The following KIF5B variants were observed in gnomAD, a reference collection of about 807,000 sequenced individuals.
The protein encoded by KIF5B is kinesin-1 heavy chain.
A neutral mutation model predicts 132.8 loss-of-function variants in KIF5B; 49 were observed. The observed-to-expected ratio is 0.37, with a 90% CI of 0.29 to 0.47. The LOEUF (loss-of-function observed/expected upper bound fraction) is 0.47. Ranked by LOEUF, KIF5B falls within the 20% of genes least tolerant of loss-of-function variation. The pLI is 1.00. For missense variants in KIF5B, 780 were observed against 1,144.0 expected (o/e 0.68, Z 4.59); for synonymous variants, 355 against 369.4 (o/e 0.96, Z 0.45).
intron 3 of KIF5B, 94 bp downstream of exon 3, chr10:32,040,290 A>C: frequency 1.3e-6 from 1 of 785,646 alleles, no homozygotes; most frequent in South Asian, 1.4e-5. Flanking sequence ...ATAAAGAGTA[A>C]ATTAAAATGT....
chr10:32,054,942 T>C (rs1201257080), intron 1 of KIF5B, among the ~76,000 whole-genome samples: 1 of 144,746 alleles, frequency 6.9e-6, no homozygotes, highest in Non-Finnish European at 1.6e-5. Context: ...AAACAACAAT[T>C]TTCTTCAAGA....
chr10:32,031,470 G>A (rs1289933432), intron 13 of KIF5B, among the ~76,000 whole-genome samples, 191 bp from the exon 14 acceptor site: 1 of 152,138 alleles, frequency 6.6e-6, no homozygotes, highest in Non-Finnish European at 1.5e-5. Context: ...CTGCAAGGCA[G>A]AAAGAAAATC....
Position 32,010,375 on chromosome 10 carries a change from C to T in KIF5B, c.*1162G>A, listed in dbSNP as rs1455267083. On this transcript the variant is annotated 3_prime_UTR_variant, in exon 26 of 26. Transcript: ENST00000302418. The stretch of plus-strand genomic sequence containing the variant: ...GGCTATGGCCAAGAAAATAATTTAT[C>T]TAATGATTATTAGTGACTTGCAAAC... 6.6e-6 allele frequency: 1 copy of T among 152,142 alleles called. No individual in the cohort carries two copies. The highest frequency in any genetic ancestry group is 2.1e-4 in the South Asian group (1 of 4,830). 9.4% of individuals were successfully genotyped at this position (152,142 alleles called of 1,614,324 possible).
chr10:32,046,408 G>A (rs2132613775), intron 2 of KIF5B, among the ~76,000 whole-genome samples: 2 of 152,220 alleles, frequency 1.3e-5, no homozygotes, highest in Middle Eastern at 3.4e-3. Context: ...AATTACAAGT[G>A]TTAATTCCCC....
At chr10:32,035,751 A>G in intron 9 of KIF5B, 84 bp from the exon 10 acceptor site, 1 of 1,399,562 alleles carries the variant, frequency 7.1e-7, no homozygotes, top group African/African-American at 1.4e-5. Flanking sequence ...CAACTAACTT[A>G]CACATACTGA....
At chr10:32,032,206 G>C (rs1480282421) in intron 13 of KIF5B, among the ~76,000 whole-genome samples, 3 of 151,984 alleles carry the variant, frequency 2.0e-5, no homozygotes, top group Non-Finnish European at 4.4e-5. Context: ...ATAATACAAA[G>C]GACAGAATAA....
At chr10:32,026,437 CAA>C (rs71027049) in intron 15 of KIF5B, among the ~76,000 whole-genome samples, 13 of 48,924 alleles carry the variant, frequency 2.7e-4, no homozygotes, top group East Asian at 2.5e-3. Context: ...GATTCCGTCT[CAA>C]AAAAAAAAAA....
In KIF5B at chr10:32,019,966, A is replaced by G; in HGVS notation, c.2205-7T>C. ...CATCATTTTCTGGTTTTGGCTGACG[A>G]AAGAAAAAAATAATTAACACAGTAT... On this transcript the variant is annotated splice_polypyrimidine_tract_variant and splice_region_variant and intron_variant, in intron 19 of 25. Coordinates refer to ENST00000302418, the MANE Select transcript of KIF5B (RefSeq NM_004521.3). 1 of 1,567,966 alleles carries G rather than the reference A, an allele frequency of 6.4e-7. No individual in the cohort carries two copies. The highest frequency in any genetic ancestry group is 8.7e-7 in the Non-Finnish European group (1 of 1,150,534).
intron 13 of KIF5B, 21 bp from the exon 14 acceptor site, chr10:32,031,300 T>A (rs189074329): frequency 6.3e-7 from 1 of 1,593,898 alleles, no homozygotes; most frequent in East Asian, 2.2e-5. Flanking sequence ...GAAAATAATT[T>A]ATTTTCCCCA....
rs1841201325 is a variant in KIF5B, at chr10:32,018,163, AAAG to A, written c.2440-10_2440-8del. 1 of 1,575,756 alleles carries A rather than the reference AAAG, an allele frequency of 6.3e-7. No homozygotes were observed. On this transcript the variant is annotated splice_region_variant and splice_polypyrimidine_tract_variant and intron_variant, in intron 22 of 25. Coordinates refer to ENST00000302418, the MANE Select transcript of KIF5B (RefSeq NM_004521.3). ...CAGAATCAATCTCAGCACTCTGAGAAAAGAAGGTAAGTATTACAAAAAAATTAA... is the reference window on the plus strand; with the variant it reads ...CAGAATCAATCTCAGCACTCTGAGAAAAGGTAAGTATTACAAAAAAATTAA...
intron 25 of KIF5B, among the ~76,000 whole-genome samples, chr10:32,015,083 T>C: frequency 6.6e-6 from 1 of 151,274 alleles, no homozygotes; most frequent in South Asian, 2.1e-4. Flanking sequence ...GATCACGCCA[T>C]TGCACTCCAG....
intron 6 of KIF5B, among the ~76,000 whole-genome samples, chr10:32,037,901 G>C (rs1023553336): frequency 1.3e-4 from 20 of 151,604 alleles, no homozygotes; most frequent in Non-Finnish European, 8.8e-5. Context: ...CACGAGGTCA[G>C]GAGTTCAAGA....
chr10:32,036,067 C>A, intron 8 of KIF5B, 73 bp from the exon 9 acceptor site: 4 of 955,770 alleles, frequency 4.2e-6, no homozygotes, highest in Non-Finnish European at 6.0e-6. Flanking sequence ...CTAAAATGTT[C>A]ATATGTCATC....
At chr10:32,051,367 T>C (rs1841692539) in intron 1 of KIF5B, among the ~76,000 whole-genome samples, 1 of 152,146 alleles carries the variant, frequency 6.6e-6, no homozygotes, top group South Asian at 2.1e-4. Context: ...CCTCAATTTT[T>C]ACATCAATAG....
chr10:32,052,677 T>A (rs1841708203), intron 1 of KIF5B, among the ~76,000 whole-genome samples: 2 of 152,360 alleles, frequency 1.3e-5, no homozygotes, highest in Admixed American at 6.5e-5. Flanking sequence ...AGACATAAAC[T>A]GTTTCCCTGT....
chr10:32,034,898 A>G, intron 10 of KIF5B, 60 bp from the exon 11 acceptor site: 1 of 1,269,878 alleles, frequency 7.9e-7, no homozygotes, highest in African/African-American at 1.6e-5. Context: ...AATTTTATCT[A>G]TATGGAATAT....
At chr10:32,023,096 A>C in intron 15 of KIF5B, 60 bp from the exon 16 acceptor site, 1 of 870,650 alleles carries the variant, frequency 1.1e-6, no homozygotes, top group Non-Finnish European at 1.7e-6. Context: ...GTGTTTTCCC[A>C]ATTAGGCTAT....
At chr10:32,012,557 G>A (rs545945167) in intron 25 of KIF5B, among the ~76,000 whole-genome samples, 37 of 152,280 alleles carry the variant, frequency 2.4e-4, no homozygotes, top group Middle Eastern at 6.8e-3. Flanking sequence ...CACTATCTTT[G>A]GACCAGCATC....
At position 32,017,307 on chromosome 10, in the gene KIF5B, C is replaced by T; in HGVS notation, c.2597G>A (p.Arg866Gln). 6.2e-7 allele frequency: 1 copy of T among 1,614,156 alleles called. No individual in the cohort carries two copies. The highest frequency in any genetic ancestry group is 8.5e-7 in the Non-Finnish European group (1 of 1,180,028). The change falls in exon 24 of 26, where the codon CGA becomes CAA. Residue 866 changes from arginine to glutamine, a missense_variant. This residue lies in a region of KIF5B where 32 missense variants were observed against 71.1 expected (regional missense o/e 0.45). Coordinates refer to ENST00000302418, the MANE Select transcript of KIF5B (RefSeq NM_004521.3). ...CACTCTCTCAGCTGTAGCTCGAAGTCGCTTTTCCAACTTAGGAAGTTCACA... is the reference window on the plus strand; with the variant it reads ...CACTCTCTCAGCTGTAGCTCGAAGTTGCTTTTCCAACTTAGGAAGTTCACA... ...LRCELPKLEKRLRATAERVKA... is the reference protein window; with the variant it reads ...LRCELPKLEKQLRATAERVKA...
Sources: gnomAD v4.1 joint callset for allele counts (sites outside exome capture counted in the v4.1 genomes callset) on GRCh38, gnomAD v4.1.1 for gene constraint, gnomAD v4.1.1 regional missense constraint, MANE v1.5 for transcripts, NCBI Gene and HGNC (gene_info 2026-07-23, HGNC 2026-07-21) for gene names.